Variants in MPP2 observed in about 807,000 individuals in gnomAD.
MPP2 encodes the protein MAGUK p55 scaffold protein 2.
In MPP2, 42 loss-of-function variants were observed where a neutral mutation model predicts 58.5. The ratio of observed to expected loss-of-function variants is 0.72; its 90% CI spans 0.56 to 0.93. The LOEUF is 0.93. MPP2 is among the 40% of genes least tolerant of loss of function. The pLI is 0.00. For missense variants in MPP2, 632 were observed against 760.4 expected (o/e 0.83, Z 1.99); for synonymous variants, 300 against 307.8 (o/e 0.97, Z 0.26).
intron 3 of MPP2, among the ~76,000 whole-genome samples, chr17:43,894,917 T>G (rs1486103560): frequency 1.3e-5 from 2 of 151,970 alleles, no homozygotes; most frequent in African/African-American, 4.8e-5. Flanking sequence ...TACTCCAACC[T>G]GGGAGATGGA....
intron 2 of MPP2, among the ~76,000 whole-genome samples, chr17:43,902,460 AGT>A (rs2048131838): frequency 6.6e-6 from 1 of 152,222 alleles, no homozygotes; most frequent in Non-Finnish European, 1.5e-5. Flanking sequence ...AGCAGCTTAC[AGT>A]GGGGCCTAGG....
chr17:43,894,110 T>TAA (rs772282324), intron 3 of MPP2, among the ~76,000 whole-genome samples: 185 of 126,202 alleles, frequency 1.5e-3, no homozygotes, highest in African/African-American at 5.1e-3. Flanking sequence ...CTGTCTCTAC[T>TAA]AAAAAAAAAA....
intron 2 of MPP2, chr17:43,900,559 C>T: frequency 1.3e-6 from 2 of 1,543,782 alleles, no homozygotes; most frequent in Non-Finnish European, 1.7e-6. Flanking sequence ...CCATGGCGGC[C>T]CCCAGACCCG....
chr17:43,897,480 TCAAAACAAAA>T (rs992163625), intron 3 of MPP2, among the ~76,000 whole-genome samples: 1 of 150,824 alleles, frequency 6.6e-6, no homozygotes, highest in Admixed American at 6.7e-5. Flanking sequence ...AAACTCCTTC[TCAAAACAAAA>T]CAAAACAAAA....
In MPP2 at chr17:43,883,278, C is replaced by T. The variant is rs1406737884; in HGVS notation, c.228G>A (p.Arg76=). Reference sequence around the variant, plus strand: ...TCTGCTCAGCCAGCTGCGCCAGGTCCCGCAGGATCTCCTGCACCAGCTCCA... The same window carrying T: ...TCTGCTCAGCCAGCTGCGCCAGGTCTCGCAGGATCTCCTGCACCAGCTCCA... ...NNLELVQEIL[R]DLAQLAEQSS... is the part of the protein sequence containing the mutation. The change falls in exon 4 of 13, where the codon CGG becomes CGA. Residue 76 remains arginine (R), a synonymous_variant. Coordinates refer to ENST00000269095, the MANE Select transcript of MPP2 (RefSeq NM_005374.5). The T allele has an allele frequency of 5.6e-6, 9 of 1,612,766 alleles. No homozygotes were observed. Among genetic ancestry groups the T allele is most frequent in the Non-Finnish European group, 6.8e-6 (8 of 1,179,750 alleles).
rs59779809 is a variant in MPP2 at position 43,879,024 on chromosome 17, C to G, written c.1482+251G>C. ...TCTGTCTCTGCAGAGTGGGCTGAGC[C>G]GGGGGCCTTGAGTCAGAAGCACATG... On this transcript the variant is annotated intron_variant, in intron 12 of 12. Transcript: ENST00000269095. The surrounding 1 kb of genome is among the most constrained non-coding windows in gnomAD (Gnocchi z 4.1). Among the ~76,000 whole-genome samples, 1 of 152,296 alleles carries G rather than the reference C, an allele frequency of 6.6e-6. No individual in the cohort carries two copies. Among genetic ancestry groups the G allele is most frequent in the Non-Finnish European group, 1.5e-5 (1 of 68,014 alleles).
intron 2 of MPP2, chr17:43,900,747 A>G: frequency 1.0e-6 from 1 of 979,758 alleles, no homozygotes; most frequent in Non-Finnish European, 1.4e-6. Context: ...CGCGGTGCAG[A>G]GCAGGCGGTA....
intron 3 of MPP2, among the ~76,000 whole-genome samples, chr17:43,886,875 C>G (rs150220270): frequency 1.3e-5 from 2 of 152,178 alleles, no homozygotes; most frequent in African/African-American, 4.8e-5. Context: ...TTTCTGTGAA[C>G]TGTCTACTCA....
chr17:43,896,978 T>A (rs2047874258), intron 3 of MPP2, among the ~76,000 whole-genome samples: 1 of 152,092 alleles, frequency 6.6e-6, no homozygotes, highest in Non-Finnish European at 1.5e-5. Context: ...CCAGGTGCCT[T>A]ACTGTACCCT....
chr17:43,882,244 T>C, intron 6 of MPP2, 40 bp downstream of exon 6: 1 of 1,558,820 alleles, frequency 6.4e-7, no homozygotes, highest in Non-Finnish European at 8.7e-7. Context: ...GCCAGGAGGC[T>C]CAGCCATCCC....
At chr17:43,901,101 G>C (rs2048078954) in intron 2 of MPP2, among the ~76,000 whole-genome samples, 1 of 152,108 alleles carries the variant, frequency 6.6e-6, no homozygotes. Flanking sequence ...TAGTCCCTCA[G>C]TCTAAGGAAG....
chr17:43,878,631 G>C (rs1276755581), intron 12 of MPP2, among the ~76,000 whole-genome samples: 1 of 152,242 alleles, frequency 6.6e-6, no homozygotes, highest in Non-Finnish European at 1.5e-5. Context: ...ATTGGCAGAA[G>C]GGTGCCAGCC....
chr17:43,882,625 C>T, intron 5 of MPP2, 114 bp from the exon 6 acceptor site: 1 of 979,898 alleles, frequency 1.0e-6, no homozygotes, highest in African/African-American at 1.6e-5. Context: ...CCCACCCTCA[C>T]AAAGTCCTCC....
chr17:43,908,722 A>G (rs2048372901), upstream of MPP2, among the ~76,000 whole-genome samples: 1 of 152,234 alleles, frequency 6.6e-6, no homozygotes, highest in South Asian at 2.1e-4. Flanking sequence ...AGAAACAAAA[A>G]GAAAAGAAAT....
In MPP2 at chr17:43,876,332, A is replaced by G. The variant is rs557819967; in HGVS notation, c.*1475T>C. 6.6e-6 allele frequency: 1 copy of G among 152,600 alleles called. No individual in the cohort carries two copies. The highest frequency in any genetic ancestry group is 2.1e-4 in the South Asian group (1 of 4,810). The allele number at this position is 152,600 out of a possible 1,614,324, so 9.5% of individuals were successfully genotyped here. ...GTGTCACAGGTTGTCCCCTCTGAGG[A>G]CAGGCTCCCCCCGGAAGGAATGCAG... On this transcript the variant is annotated 3_prime_UTR_variant, in exon 13 of 13. Transcript: ENST00000269095.
intron 2 of MPP2, among the ~76,000 whole-genome samples, chr17:43,899,352 T>C (rs956394030): frequency 6.6e-6 from 1 of 151,312 alleles, no homozygotes; most frequent in Non-Finnish European, 1.5e-5. Context: ...GGCTCAAGGA[T>C]GAGACAGACA....
Position 43,882,398 on chromosome 17 carries a change from G to A in MPP2, c.567C>T (p.Asn189=), listed in dbSNP as rs750790754. Residue 189 remains asparagine, a synonymous_variant, in exon 6 of 13, where the codon AAC becomes AAT. Transcript: ENST00000269095. ...LHVGDIIKEV[N]GQPVGSDPRA... ...GGGGGTCACTGCCCACTGGCTGCCC[G>A]TTCACCTCCTTGATGATGTCACCCA... 8 of 1,611,538 alleles carry A rather than the reference G, an allele frequency of 5.0e-6. No homozygotes were observed. Among genetic ancestry groups the A allele is most frequent in the African/African-American group, 1.3e-5 (1 of 74,910 alleles).
intron 2 of MPP2, chr17:43,900,669 A>C (rs1034225901): frequency 7.1e-7 from 1 of 1,414,842 alleles, no homozygotes; most frequent in East Asian, 2.5e-5. Context: ...CCTCTGAGGA[A>C]CCAGCCAATG....
rs375785653 is a variant in MPP2 at position 43,879,383 on chromosome 17, C to T, written c.1374G>A (p.Thr458=). The T allele has an allele frequency of 3.9e-5, 63 of 1,614,016 alleles. No individual in the cohort carries two copies. Among genetic ancestry groups the T allele is most frequent in the Middle Eastern group, 1.6e-4 (1 of 6,084 alleles). ...VNPQAVKVLR[T]AEFVPYVVFI... is the part of the protein sequence containing the mutation. ...ACACCACGTAAGGGACAAACTCGGC[C>T]GTTCGTAGCACCTTCACCGCCTGCA... The change falls in exon 12 of 13, where the codon ACG becomes ACA. Residue 458 remains threonine (T), a synonymous_variant. Coordinates refer to ENST00000269095, the MANE Select transcript of MPP2 (RefSeq NM_005374.5). This position sits in a 1 kb window ranked among gnomAD's most constrained non-coding sequence, Gnocchi z 4.1.
Sources: gnomAD v4.1 joint callset for allele counts (sites outside exome capture counted in the v4.1 genomes callset) on GRCh38, gnomAD v4.1.1 for gene constraint, Gnocchi (gnomAD v3.1) non-coding constraint, MANE v1.5 for transcripts, NCBI Gene and HGNC (gene_info 2026-07-23, HGNC 2026-07-21) for gene names.